The following POLR3B variants were observed in gnomAD, a reference collection of about 807,000 sequenced individuals.
POLR3B encodes DNA-directed RNA polymerase III subunit RPC2.
Under a neutral mutation model 147.4 loss-of-function variants are expected in POLR3B, and 96 were observed. The observed-to-expected ratio is 0.65, with a 90% CI of 0.55 to 0.77. The LOEUF (loss-of-function observed/expected upper bound fraction) is 0.77. Among genes scored for constraint, POLR3B ranks in the 30% least tolerant of loss-of-function variants. The pLI is 0.00. For synonymous variants in POLR3B, 461 were observed against 485.9 expected (o/e 0.95, Z 0.67); for missense variants, 1,036 against 1,413.5 (o/e 0.73, Z 4.28).
At chr12:106,474,690 T>A (rs2038140150) in intron 23 of POLR3B, among the ~76,000 whole-genome samples, 1 of 134,854 alleles carries the variant, frequency 7.4e-6, no homozygotes, top group Non-Finnish European at 1.6e-5. Flanking sequence ...TAGTTTGTAT[T>A]TCTGTGGGAT....
chr12:106,373,343 T>G (rs748099731), intron 6 of POLR3B, among the ~76,000 whole-genome samples: 36 of 152,352 alleles, frequency 2.4e-4, no homozygotes, highest in Middle Eastern at 3.4e-3. Context: ...TTTATCTTCT[T>G]TATCTCTTAT....
intron 19 of POLR3B, among the ~76,000 whole-genome samples, chr12:106,449,736 CA>C (rs917924876): frequency 1.3e-5 from 2 of 151,972 alleles, no homozygotes; most frequent in African/African-American, 2.4e-5. Context: ...CTTGCTGTCT[CA>C]GGGGTAGTAA....
chr12:106,410,284 G>A (rs1336930612), intron 11 of POLR3B: 1 of 154,944 alleles, frequency 6.5e-6, no homozygotes, highest in Non-Finnish European at 1.4e-5. Context: ...AGCTCACCTG[G>A]GCTGGACATT....
Position 106,379,898 on chromosome 12 carries a change from A to C in POLR3B, c.615-133A>C, listed in dbSNP as rs7310703. On this transcript the variant is annotated intron_variant, in intron 8 of 27. Transcript: ENST00000228347. ...AGGAAAGGAATTGTCTTTTTAAAGTACTTATTAGAAAGGACCTTGTGATTG... is the reference window on the plus strand; with the variant it reads ...AGGAAAGGAATTGTCTTTTTAAAGTCCTTATTAGAAAGGACCTTGTGATTG... 0.32 allele frequency: 219,267 copies of C among 684,966 alleles called. 39,639 individuals are homozygous for C. Among genetic ancestry groups the C allele is most frequent in the African/African-American group, 0.61 (34,532 of 56,436 alleles). The allele number at this position is 684,966 out of a possible 1,614,324, so 42.4% of individuals were successfully genotyped here. A position where few individuals can be genotyped will look rare whatever the true frequency, so the allele number is the denominator to read the frequency against.
At chr12:106,439,694 T>C (rs1269103505) in intron 18 of POLR3B, among the ~76,000 whole-genome samples, 3 of 152,116 alleles carry the variant, frequency 2.0e-5, no homozygotes, top group African/African-American at 7.2e-5. Context: ...AAATAGTGGT[T>C]TTTGGTCAGA....
chr12:106,436,923 C>A, intron 16 of POLR3B, 134 bp from the exon 17 acceptor site: 1 of 727,126 alleles, frequency 1.4e-6, no homozygotes, highest in South Asian at 1.5e-5. Context: ...ACAAAAATTA[C>A]CTGGTGTCCT....
intron 21 of POLR3B, among the ~76,000 whole-genome samples, chr12:106,457,580 CT>C (rs1304488318): frequency 6.6e-6 from 1 of 152,202 alleles, no homozygotes; most frequent in Non-Finnish European, 1.5e-5. Context: ...GTTTATGTCC[CT>C]GCATCTGCAC....
intron 11 of POLR3B, among the ~76,000 whole-genome samples, chr12:106,406,845 A>G (rs1334165515): frequency 6.6e-6 from 1 of 152,178 alleles, no homozygotes; most frequent in African/African-American, 2.4e-5. Context: ...TATTTGTTAG[A>G]CTATCTTGTT....
intron 23 of POLR3B, among the ~76,000 whole-genome samples, chr12:106,474,653 A>G (rs368357975): frequency 0.017 from 2,443 of 144,148 alleles, 38 homozygotes; most frequent in South Asian, 0.068. Flanking sequence ...TTATTTGCGT[A>G]GAGGTGTTTG....
intron 12 of POLR3B, among the ~76,000 whole-genome samples, chr12:106,425,790 A>G (rs2037426858): frequency 6.6e-6 from 1 of 152,138 alleles, no homozygotes; most frequent in Non-Finnish European, 1.5e-5. Context: ...GATTCCTTCA[A>G]TTACACTATT....
Position 106,459,717 on chromosome 12 carries a change from A to G in POLR3B, c.2570+349A>G, listed in dbSNP as rs1459021757. Among the ~76,000 whole-genome samples, 6 of 152,316 alleles carry G rather than the reference A, an allele frequency of 3.9e-5. No homozygotes were observed. In the East Asian group the frequency reaches 9.6e-4, roughly 24 times the overall value. ...AATTGATACTGCAGAGAGTGACATG[A>G]TAAGAGTCATATTTTTAAACAGTAA... is the stretch of plus-strand genomic sequence containing the variant. On this transcript the variant is annotated intron_variant, in intron 22 of 27. Coordinates refer to ENST00000228347, the MANE Select transcript of POLR3B (RefSeq NM_018082.6).
Position 106,400,623 on chromosome 12 carries a change from G to A in POLR3B, c.847-5234G>A, listed in dbSNP as rs890892006. On this transcript the variant is annotated intron_variant, in intron 10 of 27. Transcript: ENST00000228347. ...AAAAGAACAGAAATTATAACAAACT[G>A]TCTCTCAGACCACAGTGGAATCAAA... is the stretch of plus-strand genomic sequence containing the variant. Among the ~76,000 whole-genome samples the A allele has an allele frequency of 5.3e-5, 8 of 152,286 alleles. 1 individual carries two copies. The highest frequency in any genetic ancestry group is 3.4e-3 in the Middle Eastern group (1 of 294).
chr12:106,392,414 C>A (rs560491742), intron 9 of POLR3B, among the ~76,000 whole-genome samples: 16 of 152,170 alleles, frequency 1.1e-4, no homozygotes, highest in African/African-American at 3.9e-4. Context: ...CCACCTGCCT[C>A]GGCCTCCCAA....
intron 23 of POLR3B, among the ~76,000 whole-genome samples, chr12:106,478,789 G>A (rs2038219257): frequency 6.6e-6 from 1 of 151,816 alleles, no homozygotes; most frequent in Non-Finnish European, 1.5e-5. Flanking sequence ...ACAAGAAAGG[G>A]TTCTTTGTAC....
intron 18 of POLR3B, among the ~76,000 whole-genome samples, chr12:106,440,725 C>CTT (rs139194243): frequency 1.3e-4 from 18 of 143,254 alleles, no homozygotes; most frequent in East Asian, 8.0e-4. Flanking sequence ...CTCTTTACTA[C>CTT]TTTTTTTTTT....
intron 10 of POLR3B, among the ~76,000 whole-genome samples, chr12:106,398,263 A>G (rs2136922517): frequency 6.6e-6 from 1 of 152,322 alleles, no homozygotes; most frequent in African/African-American, 2.4e-5. Context: ...ATCAAACTGC[A>G]AGGCGGCAGC....
At chr12:106,391,306 CTA>C (rs1417648317) in intron 9 of POLR3B, among the ~76,000 whole-genome samples, 1 of 152,164 alleles carries the variant, frequency 6.6e-6, no homozygotes, top group African/African-American at 2.4e-5. Flanking sequence ...AAGCAGGCAG[CTA>C]TAGTGCCTTT....
At chr12:106,420,586 C>G (rs2037361669) in intron 12 of POLR3B, among the ~76,000 whole-genome samples, 1 of 152,128 alleles carries the variant, frequency 6.6e-6, no homozygotes, top group Non-Finnish European at 1.5e-5. Flanking sequence ...ATGTTTTGTC[C>G]AGAATTTATG....
chr12:106,474,903 G>T (rs1221207528), intron 23 of POLR3B, among the ~76,000 whole-genome samples: 7 of 149,398 alleles, frequency 4.7e-5, no homozygotes, highest in Admixed American at 4.7e-4. Context: ...CTTGCCTTCT[G>T]CTAGCTTTTG....
Sources: allele counts gnomAD v4.1 joint callset (sites outside exome capture counted in the v4.1 genomes callset), GRCh38; gene constraint gnomAD v4.1.1; transcripts MANE v1.5; gene names NCBI Gene and HGNC (gene_info 2026-07-23, HGNC 2026-07-21).